The following APOE variants were observed in gnomAD, a reference collection of about 807,000 sequenced individuals.
The protein encoded by APOE is apolipoprotein E3.
In APOE, 10 loss-of-function variants were observed where a neutral mutation model predicts 13.1. The observed-to-expected ratio is 0.76, with a 90% CI of 0.47 to 1.29. The LOEUF (loss-of-function observed/expected upper bound fraction) is 1.29, where lower values mean the gene tolerates loss of function less well. APOE is among the 50% of genes most tolerant of loss of function. The pLI, the probability that APOE is intolerant of heterozygous loss-of-function variation, is 0.00. For synonymous variants in APOE, 211 were observed against 207.1 expected, an observed-to-expected ratio of 1.02 and a Z score of -0.16; for missense variants, 471 against 459.6, an observed-to-expected ratio of 1.02 and a Z score of -0.23.
At position 44,907,726 on chromosome 19, in the gene APOE, G is replaced by A. The variant is rs1356009344; in HGVS notation, c.44-34G>A. 6.3e-7 allele frequency: 1 copy of A among 1,575,722 alleles called. No homozygotes were observed. Among genetic ancestry groups the A allele is most frequent in the African/African-American group, 1.3e-5 (1 of 74,302 alleles). On this transcript the variant is annotated intron_variant, in intron 2 of 3. Coordinates refer to ENST00000252486, the MANE Select transcript of APOE (RefSeq NM_000041.4). The surrounding 1 kb of genome is among the most constrained non-coding windows in gnomAD (Gnocchi z 4.1). ...ACTAGATGCCTGGACGGGGTCAGAAGGACCCTGACCCACCTTGAACTTGTT... is the reference window on the plus strand; with the variant it reads ...ACTAGATGCCTGGACGGGGTCAGAAAGACCCTGACCCACCTTGAACTTGTT...
chr19:44,907,886 G>GGGTGCAGACACTGTCTGAGCA lies in APOE; in HGVS notation c.178_198dup (p.Thr60_Gln66dup). ...GGTCGCTTTTGGGATTACCTGCGCT[G>GGGTGCAGACACTGTCTGAGCA]GGTGCAGACACTGTCTGAGCAGGTG... On this transcript the variant is annotated inframe_insertion, in exon 3 of 4. Transcript: ENST00000252486. This position sits in a 1 kb window ranked among gnomAD's most constrained non-coding sequence, Gnocchi z 4.1. 6.2e-7 allele frequency: 1 copy of GGGTGCAGACACTGTCTGAGCA among 1,614,024 alleles called. No homozygotes were observed. Among genetic ancestry groups the GGGTGCAGACACTGTCTGAGCA allele is most frequent in the Non-Finnish European group, 8.5e-7 (1 of 1,179,936 alleles).
At chr19:44,908,504 G>A (rs369705950) in intron 3 of APOE, 29 bp from the exon 4 acceptor site, 46 of 1,609,858 alleles carry the variant, frequency 2.9e-5, no homozygotes, top group Non-Finnish European at 3.9e-5. Flanking sequence ...CTCCCACTGT[G>A]CGACACCCTC....
chr19:44,906,031 C>G (rs1203890882), intron 1 of APOE, 190 bp downstream of exon 1: 1 of 784,256 alleles, frequency 1.3e-6, no homozygotes, highest in African/African-American at 1.9e-5. Flanking sequence ...AGAGACGACC[C>G]GACCCGCTAG....
rs440446 is a variant in APOE at position 44,905,910 on chromosome 19, C to G, written c.-24+69C>G. The stretch of plus-strand genomic sequence containing the variant: ...CTAGAAAGAGCTGGGACCCTGGGAA[C>G]CCCTGGCCTCCAGGTAGTCTCAGGA... On this transcript the variant is annotated intron_variant, in intron 1 of 3. Transcript: ENST00000252486. 0.64 allele frequency: 829,123 copies of G among 1,293,628 alleles called. 269,076 individuals are homozygous for G. The highest frequency in any genetic ancestry group is 0.86 in the African/African-American group (55,745 of 64,848). 80.1% of individuals were successfully genotyped at this position (1,293,628 alleles called of 1,614,324 possible). A position where few individuals can be genotyped will look rare whatever the true frequency, so the allele number is the denominator to read the frequency against.
chr19:44,906,905 A>G (rs773519333), intron 2 of APOE: 22 of 571,602 alleles, frequency 3.8e-5, no homozygotes, highest in Non-Finnish European at 6.6e-5. Context: ...TTTTGAGATG[A>G]AGTCTCGCTC....
intron 3 of APOE, among the ~76,000 whole-genome samples, 190 bp downstream of exon 3, chr19:44,908,142 C>G (rs2122133906): frequency 6.6e-6 from 1 of 152,292 alleles, no homozygotes; most frequent in South Asian, 2.1e-4. Context: ...GTCTCTCTCT[C>G]TTCCCTTCTG....
rs762906934 is a variant in APOE, at chr19:44,909,041, G to C, written c.745G>C (p.Glu249Gln). 7.7e-6 allele frequency: 12 copies of C among 1,552,582 alleles called. No homozygotes were observed. The highest frequency in any genetic ancestry group is 2.3e-5 in the South Asian group (2 of 85,328). The change falls in exon 4 of 4, where the codon GAG becomes CAG. Residue 249 changes from glutamate (E) to glutamine (Q), a missense_variant. By Grantham distance (29) the Glu-to-Gln change is conservative. Transcript: ENST00000252486. Reference protein sequence around the residue: ...MGSRTRDRLDEVKEQVAEVRA... With the variant: ...MGSRTRDRLDQVKEQVAEVRA... Reference sequence around the variant, plus strand: ...CAGCCGGACCCGCGACCGCCTGGACGAGGTGAAGGAGCAGGTGGCGGAGGT... The same window carrying C: ...CAGCCGGACCCGCGACCGCCTGGACCAGGTGAAGGAGCAGGTGGCGGAGGT...
In APOE at chr19:44,908,383, T is replaced by C. The variant is rs1438740613; in HGVS notation, c.237-150T>C. On this transcript the variant is annotated intron_variant, in intron 3 of 3. Transcript: ENST00000252486. ...GCCTCTGCCCTCTGCATCTGCTCTC[T>C]GCATCTGTCTCTGTCTCCTTCTCTC... 1.2e-5 allele frequency: 10 copies of C among 814,626 alleles called. No individual in the cohort carries two copies. The Admixed American group carries it at 2.1e-4, about 17-fold the overall frequency. The allele number at this position is 814,626 out of a possible 1,614,324, so 50.5% of individuals were successfully genotyped here. A position where few individuals can be genotyped will look rare whatever the true frequency, so the allele number is the denominator to read the frequency against.
In APOE at chr19:44,907,947, ACTGAGGTGAGTGT is replaced by A. The variant is rs1400786730; in HGVS notation, c.233_236+9del. On this transcript the variant is annotated splice_donor_variant and splice_donor_5th_base_variant and coding_sequence_variant and intron_variant, in exon 3 of 4. Transcript: ENST00000252486. LOFTEE classifies it high-confidence loss of function. This position sits in a 1 kb window ranked among gnomAD's most constrained non-coding sequence, Gnocchi z 4.1. ...TGCTCAGCTCCCAGGTCACCCAGGA[ACTGAGGTGAGTGT>A]CCCCATCCTGGCCCTTGACCCTCCT... 6.2e-7 allele frequency: 1 copy of A among 1,613,090 alleles called. No individual in the cohort carries two copies. The highest frequency in any genetic ancestry group is 8.5e-7 in the Non-Finnish European group (1 of 1,179,726).
chr19:44,907,537 C>T lies in APOE; in HGVS notation c.44-223C>T, dbSNP rs1312802198. Among the ~76,000 whole-genome samples the T allele has an allele frequency of 6.6e-6, 1 of 152,160 alleles. No homozygotes were observed. Among genetic ancestry groups the T allele is most frequent in the African/African-American group, 2.4e-5 (1 of 41,440 alleles). ...GCTTGAGCCCAGAAGGTCAAGGTTG[C>T]AGTGAACCATGTTCAGGCCGCTGCA... On this transcript the variant is annotated intron_variant, in intron 2 of 3. Transcript: ENST00000252486. The surrounding 1 kb of genome is among the most constrained non-coding windows in gnomAD (Gnocchi z 4.1).
rs72654468 is a variant in APOE, at chr19:44,908,947, C to G, written c.651C>G (p.Ala217=). Residue 217 remains alanine, a synonymous_variant, in exon 4 of 4, where the codon GCC becomes GCG. Coordinates refer to ENST00000252486, the MANE Select transcript of APOE (RefSeq NM_000041.4). ...RVRAATVGSL[A]GQPLQERAQA... is the part of the protein sequence containing the mutation. ...GGGCCGCCACTGTGGGCTCCCTGGC[C>G]GGCCAGCCGCTACAGGAGCGGGCCC... The G allele has an allele frequency of 2.0e-6, 3 of 1,513,116 alleles. No homozygotes were observed. Among genetic ancestry groups the G allele is most frequent in the African/African-American group, 2.8e-5 (2 of 71,364 alleles). The allele number at this position is 1,513,116 out of a possible 1,614,324, so 93.7% of individuals were successfully genotyped here.
Position 44,908,546 on chromosome 19 carries a change from G to A in APOE, c.250G>A (p.Glu84Lys), listed in dbSNP as rs1023086190. ...TCTCGGCCGCAGGGCGCTGATGGAC[G>A]AGACCATGAAGGAGTTGAAGGCCTA... ...VTQELRALMD[E>K]TMKELKAYKS... The change falls in exon 4 of 4, where the codon GAG becomes AAG. Residue 84 changes from glutamate to lysine, a missense_variant. Transcript: ENST00000252486. 7 of 1,613,636 alleles carry A rather than the reference G, an allele frequency of 4.3e-6. No homozygotes were observed. Among genetic ancestry groups the A allele is most frequent in the South Asian group, 3.3e-5 (3 of 91,066 alleles).
intron 2 of APOE, 161 bp downstream of exon 2, chr19:44,906,828 T>TCC (rs1265391398): frequency 4.5e-6 from 3 of 668,770 alleles, no homozygotes; most frequent in Non-Finnish European, 8.0e-6. Flanking sequence ...GGCCTCGGTT[T>TCC]CCCCCATCCT....
intron 2 of APOE, 62 bp downstream of exon 2, chr19:44,906,729 T>A: frequency 6.4e-7 from 1 of 1,557,030 alleles, no homozygotes; most frequent in Non-Finnish European, 8.9e-7. Context: ...CACCTCAACC[T>A]CCTGGCCCCA....
Position 44,908,915 on chromosome 19 carries a change from C to A in APOE, c.619C>A (p.Arg207Ser), listed in dbSNP as rs749750245. 6.8e-7 allele frequency: 1 copy of A among 1,469,100 alleles called. No individual in the cohort carries two copies. Among genetic ancestry groups the A allele is most frequent in the African/African-American group, 1.5e-5 (1 of 68,772 alleles). 91.0% of individuals were successfully genotyped at this position (1,469,100 alleles called of 1,614,324 possible). ...ERLGPLVEQGRVRAATVGSLA... is the reference protein window; with the variant it reads ...ERLGPLVEQGSVRAATVGSLA... ...CCTGGGGCCCCTGGTGGAACAGGGC[C>A]GCGTGCGGGCCGCCACTGTGGGCTC... The change falls in exon 4 of 4, where the codon CGC becomes AGC. Residue 207 changes from arginine (R) to serine (S), a missense_variant. Coordinates refer to ENST00000252486, the MANE Select transcript of APOE (RefSeq NM_000041.4).
chr19:44,908,578 G>T lies in APOE; in HGVS notation c.282G>T (p.Ser94=). Residue 94 remains serine, a synonymous_variant, in exon 4 of 4, where the codon TCG becomes TCT. Coordinates refer to ENST00000252486, the MANE Select transcript of APOE (RefSeq NM_000041.4). The part of the protein sequence containing the change: ...ETMKELKAYK[S]ELEEQLTPVA... Reference sequence around the variant, plus strand: ...TGAAGGAGTTGAAGGCCTACAAATCGGAACTGGAGGAACAACTGACCCCGG... The same window carrying T: ...TGAAGGAGTTGAAGGCCTACAAATCTGAACTGGAGGAACAACTGACCCCGG... The T allele has an allele frequency of 6.2e-7, 1 of 1,613,644 alleles. No individual in the cohort carries two copies. The highest frequency in any genetic ancestry group is 1.3e-5 in the African/African-American group (1 of 75,040).
intron 3 of APOE, 55 bp from the exon 4 acceptor site, chr19:44,908,478 C>G: frequency 6.3e-7 from 1 of 1,588,896 alleles, no homozygotes; most frequent in Non-Finnish European, 8.6e-7. Context: ...CGCCCCATCC[C>G]AGCCCTTCTC....
rs1969827979 is a variant in APOE at position 44,907,386 on chromosome 19, CAGG to C, written c.44-371_44-369del. The C allele has an allele frequency of 4.7e-5, 15 of 316,770 alleles. No individual in the cohort carries two copies. The highest frequency in any genetic ancestry group is 4.2e-4 in the South Asian group (15 of 35,586). 19.6% of individuals were successfully genotyped at this position (316,770 alleles called of 1,614,324 possible). On this transcript the variant is annotated intron_variant, in intron 2 of 3. Coordinates refer to ENST00000252486, the MANE Select transcript of APOE (RefSeq NM_000041.4). This position sits in a 1 kb window ranked among gnomAD's most constrained non-coding sequence, Gnocchi z 4.1. The stretch of plus-strand genomic sequence containing the variant: ...CCAAGGTGGGAGGATCACTTGAGCC[CAGG>C]AGTTCAACACCAGCCTGGGCAACAT...
chr19:44,907,895 C>T lies in APOE; in HGVS notation c.179C>T (p.Thr60Ile). 6.2e-7 allele frequency: 1 copy of T among 1,614,030 alleles called. No homozygotes were observed. The highest frequency in any genetic ancestry group is 8.5e-7 in the Non-Finnish European group (1 of 1,179,950). The change falls in exon 3 of 4, where the codon ACA (threonine) becomes ATA (isoleucine). Residue 60 changes from threonine (T) to isoleucine (I), a missense_variant. Transcript: ENST00000252486. This position sits in a 1 kb window ranked among gnomAD's most constrained non-coding sequence, Gnocchi z 4.1. ...RFWDYLRWVQ[T>I]LSEQVQEELL... is the part of the protein sequence containing the mutation. ...TGGGATTACCTGCGCTGGGTGCAGA[C>T]ACTGTCTGAGCAGGTGCAGGAGGAG...
Sources: gnomAD v4.1 joint callset for allele counts (sites outside exome capture counted in the v4.1 genomes callset) on GRCh38, gnomAD v4.1.1 for gene constraint, Gnocchi (gnomAD v3.1) non-coding constraint, MANE v1.5 for transcripts, NCBI Gene and HGNC (gene_info 2026-07-23, HGNC 2026-07-21) for gene names.